Variants in MUC4 observed in about 807,000 individuals in gnomAD.
The protein encoded by MUC4 is mucin-4.
MUC4 carries 202 observed loss-of-function variants against 257.9 expected under a neutral mutation model. That is an observed-to-expected ratio of 0.78 (90% CI 0.70 to 0.88). The LOEUF is 0.88. MUC4 is among the 40% of genes least tolerant of loss of function. The pLI is 0.00. For missense variants in MUC4, 5,976 were observed against 6,513.7 expected (o/e 0.92, Z 2.84); for synonymous variants, 2,351 against 2,757.1 (o/e 0.85, Z 4.62).
chr3:195,781,048 GAAGCGCCGGTGACAGGAAGAGTGC>G lies in MUC4; in HGVS notation c.10508_10531del (p.Ser3503_Ser3511delinsThr). ...GGTGGCGTGACCGGTGGATGCTGAG[GAAGCGCCGGTGACAGGAAGAGTGC>G]TGGTGTCACCTGTGGATGCTGAGGA... is the stretch of plus-strand genomic sequence containing the variant. On this transcript the variant is annotated inframe_deletion, in exon 2 of 25. Transcript: ENST00000463781. 6.7e-7 allele frequency: 1 copy of G among 1,486,814 alleles called. No individual in the cohort carries two copies. The highest frequency in any genetic ancestry group is 1.6e-5 in the African/African-American group (1 of 63,624). 92.1% of individuals were successfully genotyped at this position (1,486,814 alleles called of 1,614,324 possible). A position where few individuals can be genotyped will look rare whatever the true frequency, so the allele number is the denominator to read the frequency against.
intron 1 of MUC4, among the ~76,000 whole-genome samples, chr3:195,809,302 C>T (rs1182780317): frequency 2.6e-5 from 4 of 152,180 alleles, no homozygotes; most frequent in Non-Finnish European, 5.9e-5. Context: ...AGGGTCCTGC[C>T]GGCAAGTGTG....
chr3:195,767,823 C>CCACCATCAT (rs1721685553), intron 7 of MUC4, among the ~76,000 whole-genome samples: 1 of 98,558 alleles, frequency 1.0e-5, no homozygotes, highest in African/African-American at 5.1e-5. Context: ...ATCACCACCA[C>CCACCATCAT]CACCACCATC....
rs551524659 is a variant in MUC4, at chr3:195,811,578, C to G, written c.82+158G>C. Among the ~76,000 whole-genome samples the G allele has an allele frequency of 3.3e-5, 5 of 152,124 alleles. No individual in the cohort carries two copies. The East Asian group carries it at 5.8e-4, about 18-fold the overall frequency. On this transcript the variant is annotated intron_variant, in intron 1 of 24. Transcript: ENST00000463781. ...CCATTCATCTCTTTCTCCTTTCCCT[C>G]TCCCTCTTTTTCTCTCCCTTCTCTT...
chr3:195,788,712 A>C lies in MUC4; in HGVS notation c.2868T>G (p.Thr956=), dbSNP rs1181019105. 13 of 1,613,022 alleles carry C rather than the reference A, an allele frequency of 8.1e-6. No individual in the cohort carries two copies. Among genetic ancestry groups the C allele is most frequent in the Non-Finnish European group, 1.1e-5 (13 of 1,179,812 alleles). ...GLTSPQTETH[T]LSPSGSGKTF... ...TTTTACCAGACCCTGAAGGTGACAG[A>C]GTGTGGGTCTCGGTTTGTGGAGATG... Residue 956 remains threonine, a synonymous_variant, in exon 2 of 25, where the codon ACT becomes ACG. Transcript: ENST00000463781.
At chr3:195,753,333 TC>T in intron 19 of MUC4, 103 bp from the exon 20 acceptor site, 1 of 1,232,108 alleles carries the variant, frequency 8.1e-7, no homozygotes, top group Non-Finnish European at 1.2e-6. Context: ...CCCCCAGTGT[TC>T]CACTTCGGGC....
intron 5 of MUC4, 60 bp downstream of exon 5, chr3:195,771,592 C>T: frequency 6.3e-7 from 1 of 1,576,938 alleles, no homozygotes; most frequent in Non-Finnish European, 8.6e-7. Context: ...TTCCACACAG[C>T]TCTTTGTCTC....
chr3:195,789,048 T>G lies in MUC4; in HGVS notation c.2532A>C (p.Thr844=). 1.9e-6 allele frequency: 3 copies of G among 1,613,782 alleles called. No homozygotes were observed. The highest frequency in any genetic ancestry group is 1.7e-6 in the Non-Finnish European group (2 of 1,179,814). Reference sequence around the variant, plus strand: ...TGGCTGAGGCGGACAGCAATTCGGTTGTTGACTGGGTTGTGTGACTGTCCC... The same window carrying G: ...TGGCTGAGGCGGACAGCAATTCGGTGGTTGACTGGGTTGTGTGACTGTCCC... ...PSRDSHTTQS[T]TELLSASASH... is the part of the protein sequence containing the mutation. The change falls in exon 2 of 25, where the codon ACA becomes ACC. Residue 844 remains threonine, a synonymous_variant. Coordinates refer to ENST00000463781, the MANE Select transcript of MUC4 (RefSeq NM_018406.7).
At position 195,781,604 on chromosome 3, in the gene MUC4, C is replaced by A. The variant is rs200292435; in HGVS notation, c.9976G>T (p.Ala3326Ser). ...TDASSASTGH[A>S]TPLHVTSPSS... ...GGGCTGGTGACATGAAGAGGGGTGGCGTGACCTGTGGATGCTGAGGAAGCG... is the reference window on the plus strand; with the variant it reads ...GGGCTGGTGACATGAAGAGGGGTGGAGTGACCTGTGGATGCTGAGGAAGCG... Residue 3326 changes from alanine (A) to serine (S), a missense_variant, in exon 2 of 25, where the codon GCC becomes TCC. Ala to Ser is a moderately conservative substitution (Grantham distance 99). This residue lies in a region of MUC4 where 72 missense variants were observed against 33.5 expected (regional missense o/e 2.15). Transcript: ENST00000463781. 7 of 667,592 alleles carry A rather than the reference C, an allele frequency of 1.0e-5. 1 individual carries two copies. The highest frequency in any genetic ancestry group is 7.2e-5 in the African/African-American group (3 of 41,440). The allele number at this position is 667,592 out of a possible 1,614,324, so 41.4% of individuals were successfully genotyped here. A position where few individuals can be genotyped will look rare whatever the true frequency, so the allele number is the denominator to read the frequency against.
Position 195,770,381 on chromosome 3 carries a change from G to A in MUC4, c.13243-10C>T, listed in dbSNP as rs749170361. The A allele has an allele frequency of 1.9e-6, 3 of 1,613,158 alleles. No individual in the cohort carries two copies. Among genetic ancestry groups the A allele is most frequent in the Non-Finnish European group, 2.5e-6 (3 of 1,179,776 alleles). ...AGAACGTCTCGTATTCCTAGGAAAG[G>A]AGGGCAGATGAAAACAAGCCAACGA... On this transcript the variant is annotated splice_polypyrimidine_tract_variant and intron_variant, in intron 5 of 24. Coordinates refer to ENST00000463781, the MANE Select transcript of MUC4 (RefSeq NM_018406.7).
chr3:195,747,198 T>A lies in MUC4; in HGVS notation c.16217A>T (p.Asn5406Ile). ...CCTTCAAGGCAAGGCCTCAGCTGAGTTCAGGAAATAGGAGAACCTGGCCCC... is the reference window on the plus strand; with the variant it reads ...CCTTCAAGGCAAGGCCTCAGCTGAGATCAGGAAATAGGAGAACCTGGCCCC... ...CSGARFSYFL[N>I]SAEALP The change falls in exon 25 of 25, where the codon AAC (asparagine) becomes ATC (isoleucine). Residue 5406 changes from asparagine to isoleucine, a missense_variant. This residue lies in a region of MUC4 where 310 missense variants were observed against 242.1 expected (regional missense o/e 1.28). Coordinates refer to ENST00000463781, the MANE Select transcript of MUC4 (RefSeq NM_018406.7). The A allele has an allele frequency of 6.2e-7, 1 of 1,614,186 alleles. No individual in the cohort carries two copies. Among genetic ancestry groups the A allele is most frequent in the Admixed American group, 1.7e-5 (1 of 60,028 alleles).
At position 195,783,799 on chromosome 3, in the gene MUC4, G is replaced by T. The variant is rs202198510; in HGVS notation, c.7781C>A (p.Pro2594His). 2.1e-3 allele frequency: 2,987 copies of T among 1,449,008 alleles called. 403 individuals carry two copies. In the African/African-American group the frequency reaches 0.045, roughly 22 times the overall value. The allele number at this position is 1,449,008 out of a possible 1,614,324, so 89.8% of individuals were successfully genotyped here. Residue 2594 changes from proline to histidine, a missense_variant, in exon 2 of 25, where the codon CCT becomes CAT. By Grantham distance (77) the Pro-to-His change is moderately conservative. Transcript: ENST00000463781. The part of the protein sequence containing the change: ...SASTGDTTPL[P>H]VTDTYSASTG... Reference sequence around the variant, plus strand: ...GGATGCTGAGTAAGTGTCGGTGACAGGAAGAGGGGTGGTGTCACCTGTGGA... The same window carrying T: ...GGATGCTGAGTAAGTGTCGGTGACATGAAGAGGGGTGGTGTCACCTGTGGA...
chr3:195,805,059 T>A (rs1267256418), intron 1 of MUC4, among the ~76,000 whole-genome samples: 1 of 87,310 alleles, frequency 1.1e-5, no homozygotes, highest in African/African-American at 6.1e-5. Flanking sequence ...TGTTTCTTTA[T>A]CTTTATCTTT....
intron 1 of MUC4, among the ~76,000 whole-genome samples, chr3:195,795,937 A>T (rs1734528083): frequency 6.6e-6 from 1 of 152,010 alleles, no homozygotes. Flanking sequence ...TCAGAAAAAA[A>T]ATTTAAGAGA....
At chr3:195,776,469 C>CCG in intron 3 of MUC4, among the ~76,000 whole-genome samples, 6 of 29,004 alleles carry the variant, frequency 2.1e-4, no homozygotes, top group African/African-American at 5.0e-4. Context: ...CCCATACCTT[C>CCG]CACACCCATA....
At chr3:195,766,957 C>T (rs998747114) in intron 7 of MUC4, among the ~76,000 whole-genome samples, 6 of 152,194 alleles carry the variant, frequency 3.9e-5, no homozygotes, top group African/African-American at 1.4e-4. Context: ...GTAGGAGGCT[C>T]TAACCGATTC....
rs1337336340 is a variant in MUC4, at chr3:195,777,734, C to G, written c.12943+569G>C. Among the ~76,000 whole-genome samples the G allele has an allele frequency of 2.6e-4, 6 of 23,236 alleles. 1 individual carries two copies. The highest frequency in any genetic ancestry group is 1.5e-3 in the African/African-American group (3 of 1,994). The allele number at this position is 23,236 out of a possible 152,430, so 15.2% of individuals were successfully genotyped here. On this transcript the variant is annotated intron_variant, in intron 3 of 24. Coordinates refer to ENST00000463781, the MANE Select transcript of MUC4 (RefSeq NM_018406.7). The stretch of plus-strand genomic sequence containing the variant: ...ACCTTCCACACCCATACCTTCCACA[C>G]CCATACCTTCCACACCCTTACCTTC...
chr3:195,771,081 C>T (rs77693871), intron 5 of MUC4, among the ~76,000 whole-genome samples: 1,525 of 94,636 alleles, frequency 0.016, no homozygotes, highest in African/African-American at 0.024. Flanking sequence ...AGTCTCGTGG[C>T]CGGGTTGGGG....
chr3:195,747,861 AAAAAAC>A lies in MUC4; in HGVS notation c.16035-487_16035-482del, dbSNP rs200062261. 2.0e-5 allele frequency among the ~76,000 whole-genome samples: 3 copies of A among 152,204 alleles called. No individual in the cohort carries two copies. In the East Asian group the frequency reaches 5.8e-4, roughly 29 times the overall value. On this transcript the variant is annotated intron_variant, in intron 24 of 24. Coordinates refer to ENST00000463781, the MANE Select transcript of MUC4 (RefSeq NM_018406.7). ...GGGGGACAGAGCAAGACTCCGTCTC[AAAAAAC>A]AAAAACAAAAACCTGGTGTGAATTC...
Position 195,784,684 on chromosome 3 carries a change from G to C in MUC4, c.6896C>G (p.Thr2299Arg), listed in dbSNP as rs1161629220. Residue 2299 changes from threonine (T) to arginine (R), a missense_variant, in exon 2 of 25, where the codon ACA (threonine) becomes AGA (arginine). Physicochemically the swap from Thr to Arg is moderately conservative, Grantham distance 71. Transcript: ENST00000463781. ...GACATGAAGAGGGGTGGCGTGACCT[G>C]TGGATGCTGAGGAAGGGCTAGTGAC... ...LPVTSPSSASTGHATPLHVTD... is the reference protein window; with the variant it reads ...LPVTSPSSASRGHATPLHVTD... 6.9e-7 allele frequency: 1 copy of C among 1,447,730 alleles called. No homozygotes were observed. Among genetic ancestry groups the C allele is most frequent in the Non-Finnish European group, 9.2e-7 (1 of 1,089,974 alleles). The allele number at this position is 1,447,730 out of a possible 1,614,324, so 89.7% of individuals were successfully genotyped here.
Sources: gnomAD v4.1 joint callset for allele counts (sites outside exome capture counted in the v4.1 genomes callset) on GRCh38, gnomAD v4.1.1 for gene constraint, gnomAD v4.1.1 regional missense constraint, MANE v1.5 for transcripts, NCBI Gene and HGNC (gene_info 2026-07-23, HGNC 2026-07-21) for gene names.